MBD5: variants seen among roughly 807,000 people sequenced by gnomAD.
MBD5 encodes the protein methyl-CpG binding domain protein 5.
A neutral mutation model predicts 117.3 loss-of-function variants in MBD5; 13 were observed. That is an observed-to-expected ratio of 0.11 (90% CI 0.07 to 0.18). The LOEUF (loss-of-function observed/expected upper bound fraction) is 0.18, where lower values mean the gene tolerates loss of function less well. Ranked by LOEUF, MBD5 falls within the 10% of genes least tolerant of loss-of-function variation. MBD5 has a pLI of 1.00. For missense variants in MBD5, 1,879 were observed against 2,093.8 expected, an observed-to-expected ratio of 0.90 and a Z score of 2.00; for synonymous variants, 727 against 766.4, an observed-to-expected ratio of 0.95 and a Z score of 0.85.
chr2:148,047,288 T>C (rs1694558826), intron 1 of MBD5, among the ~76,000 whole-genome samples: 1 of 152,234 alleles, frequency 6.6e-6, no homozygotes, highest in African/African-American at 2.4e-5. Context: ...CTTTTGCATC[T>C]TCAAATCTAG....
At chr2:148,417,575 T>A (rs1309729966) in intron 4 of MBD5, among the ~76,000 whole-genome samples, 4 of 152,168 alleles carry the variant, frequency 2.6e-5, no homozygotes, top group African/African-American at 9.7e-5. Flanking sequence ...ATTCCCACTA[T>A]CAGTGTGTAA....
In MBD5 at chr2:148,396,350, C is replaced by T. The variant is rs1236830124; in HGVS notation, c.-557+54014C>T. Among the ~76,000 whole-genome samples, 5 of 152,220 alleles carry T rather than the reference C, an allele frequency of 3.3e-5. No homozygotes were observed. The East Asian group carries it at 9.6e-4, about 29-fold the overall frequency. ...TGGTGACCATGCACAGCGGCGGCTACAAGCAAAATTCCACTGCCCTGTTTT... is the reference window on the plus strand; with the variant it reads ...TGGTGACCATGCACAGCGGCGGCTATAAGCAAAATTCCACTGCCCTGTTTT... On this transcript the variant is annotated intron_variant, in intron 4 of 13. Coordinates refer to ENST00000642680, the MANE Select transcript of MBD5 (RefSeq NM_001378120.1).
chr2:148,432,922 T>C (rs555928847), intron 4 of MBD5, among the ~76,000 whole-genome samples: 24 of 152,292 alleles, frequency 1.6e-4, no homozygotes, highest in African/African-American at 5.8e-4. Flanking sequence ...GGTAGTTTCA[T>C]AGGAATAGCA....
At chr2:148,441,468 G>GTGTGGCACA (rs1432597902) in intron 4 of MBD5, among the ~76,000 whole-genome samples, 1 of 151,934 alleles carries the variant, frequency 6.6e-6, no homozygotes, top group Non-Finnish European at 1.5e-5. Flanking sequence ...GTATTCCATG[G>GTGTGGCACA]TGTATATGTG....
At chr2:148,373,391 G>T (rs966149356) in intron 4 of MBD5, among the ~76,000 whole-genome samples, 2 of 152,020 alleles carry the variant, frequency 1.3e-5, no homozygotes, top group African/African-American at 2.4e-5. Flanking sequence ...ACACAGTAAT[G>T]AACCTTGCTG....
intron 2 of MBD5, chr2:148,196,335 A>G (rs969115047): frequency 1.3e-5 from 2 of 152,072 alleles, no homozygotes; most frequent in Non-Finnish European, 2.9e-5. Context: ...ATCTGTTATG[A>G]CTAGTGTAGG....
At chr2:148,412,770 A>G (rs1705302602) in intron 4 of MBD5, among the ~76,000 whole-genome samples, 1 of 152,086 alleles carries the variant, frequency 6.6e-6, no homozygotes, top group Non-Finnish European at 1.5e-5. Flanking sequence ...ATGTTGGTTT[A>G]TAGGAATGCT....
intron 4 of MBD5, among the ~76,000 whole-genome samples, chr2:148,438,696 G>A (rs1489749302): frequency 1.3e-5 from 2 of 152,176 alleles, no homozygotes; most frequent in Non-Finnish European, 2.9e-5. Context: ...CAGGCCATCT[G>A]CAAGCTGGAG....
intron 2 of MBD5, among the ~76,000 whole-genome samples, chr2:148,232,754 C>A (rs1358572772): frequency 1.3e-5 from 2 of 150,642 alleles, no homozygotes; most frequent in Non-Finnish European, 2.9e-5. Context: ...AAAATAATAT[C>A]TTTTAGGTAT....
At chr2:148,315,493 G>A (rs76545000) in intron 3 of MBD5, among the ~76,000 whole-genome samples, 2 of 152,208 alleles carry the variant, frequency 1.3e-5, no homozygotes, top group East Asian at 3.9e-4. Context: ...TTGAAGAGTC[G>A]GGAAGATGCT....
At chr2:148,310,376 G>A (rs1701999815) in intron 3 of MBD5, among the ~76,000 whole-genome samples, 1 of 152,082 alleles carries the variant, frequency 6.6e-6, no homozygotes, top group Admixed American at 6.5e-5. Flanking sequence ...GTCTTGGGAA[G>A]GTGTATGTGT....
chr2:148,240,923 T>C (rs966252199), intron 3 of MBD5, among the ~76,000 whole-genome samples: 4 of 152,034 alleles, frequency 2.6e-5, no homozygotes, highest in African/African-American at 9.7e-5. Flanking sequence ...TTTTTAGGTA[T>C]ACTTGGTTCT....
intron 3 of MBD5, among the ~76,000 whole-genome samples, chr2:148,271,564 A>G (rs1244564611): frequency 6.6e-6 from 1 of 152,158 alleles, no homozygotes; most frequent in Non-Finnish European, 1.5e-5. Context: ...GTGGAGCTTT[A>G]CTTTTTAATC....
intron 1 of MBD5, among the ~76,000 whole-genome samples, chr2:148,081,686 C>A (rs1353688629): frequency 6.6e-6 from 1 of 151,802 alleles, no homozygotes; most frequent in Non-Finnish European, 1.5e-5. Context: ...TCAAATGGAC[C>A]CTGTGTTGCC....
chr2:148,390,509 A>ATG (rs148319237), intron 4 of MBD5, among the ~76,000 whole-genome samples: 54,752 of 148,512 alleles, frequency 0.37, 11,097 homozygotes, highest in East Asian at 0.65. Context: ...ATGTGTGTGT[A>ATG]TGTATATATG....
intron 4 of MBD5, among the ~76,000 whole-genome samples, chr2:148,406,765 C>T (rs1296835732): frequency 1.3e-5 from 2 of 152,102 alleles, no homozygotes; most frequent in Non-Finnish European, 2.9e-5. Context: ...TGTCCAGCTC[C>T]GTAGTTTTTC....
intron 12 of MBD5, among the ~76,000 whole-genome samples, chr2:148,505,409 A>C (rs1390195717): frequency 6.6e-6 from 1 of 152,218 alleles, no homozygotes; most frequent in Non-Finnish European, 1.5e-5. Context: ...TTGAACATGC[A>C]ATAGAATGAA....
At chr2:148,428,204 GACAA>G (rs1296723744) in intron 4 of MBD5, among the ~76,000 whole-genome samples, 2 of 152,090 alleles carry the variant, frequency 1.3e-5, no homozygotes, top group African/African-American at 4.8e-5. Flanking sequence ...ACTAATAACA[GACAA>G]ACAGAGAGCC....
At position 148,178,998 on chromosome 2, in the gene MBD5, G is replaced by A. The variant is rs934051758; in HGVS notation, c.-831+205G>A. 6.6e-5 allele frequency among the ~76,000 whole-genome samples: 10 copies of A among 152,062 alleles called. No homozygotes were observed. The East Asian group carries it at 1.2e-3, about 18-fold the overall frequency. Reference sequence around the variant, plus strand: ...GTATCAGATTTCATTTGTAATAAGCGGTTGATTAAAAAATAATAAATTGTA... The same window carrying A: ...GTATCAGATTTCATTTGTAATAAGCAGTTGATTAAAAAATAATAAATTGTA... On this transcript the variant is annotated intron_variant, in intron 2 of 13. Coordinates refer to ENST00000642680, the MANE Select transcript of MBD5 (RefSeq NM_001378120.1).
Sources: allele counts gnomAD v4.1 joint callset (sites outside exome capture counted in the v4.1 genomes callset), GRCh38; gene constraint gnomAD v4.1.1; transcripts MANE v1.5; gene names NCBI Gene and HGNC (gene_info 2026-07-23, HGNC 2026-07-21).